DAB1: variants seen among roughly 807,000 people sequenced by gnomAD.
The protein encoded by DAB1 is DAB adaptor protein 1, also known as disabled homolog 1.
Under a neutral mutation model 64.6 loss-of-function variants are expected in DAB1, and 15 were observed. The observed-to-expected ratio is 0.23, with a 90% confidence interval of 0.16 to 0.36. The LOEUF is 0.36. Among genes scored for constraint, DAB1 ranks in the 10% least tolerant of loss-of-function variants. The pLI, the probability that DAB1 is intolerant of heterozygous loss-of-function variation, is 1.00. For synonymous variants in DAB1, 235 were observed against 251.9 expected (o/e 0.93, Z 0.64); for missense variants, 596 against 706.7 (o/e 0.84, Z 1.78).
chr1:57,969,821 C>G (rs1436413463), intron 5 of DAB1, among the ~76,000 whole-genome samples: 1 of 152,110 alleles, frequency 6.6e-6, no homozygotes, highest in Admixed American at 6.5e-5. Context: ...GGGATTTACA[C>G]TCTTCTACTT....
intron 4 of DAB1, among the ~76,000 whole-genome samples, chr1:58,296,161 A>AGAAAG (rs71043283): frequency 0.59 from 59,927 of 101,748 alleles, 21,541 homozygotes; most frequent in East Asian, 0.79. Context: ...GAAAAAAGAA[A>AGAAAG]GAAAGAAAGA....
At chr1:57,015,594 T>A (rs548428639) in intron 11 of DAB1, among the ~76,000 whole-genome samples, 163 bp from the exon 12 acceptor site, 38 of 152,338 alleles carry the variant, frequency 2.5e-4, no homozygotes, top group African/African-American at 8.7e-4. Flanking sequence ...GTCCTTGCTG[T>A]CATAGAGCCT....
At chr1:57,184,073 G>T (rs904976761) in intron 2 of DAB1, among the ~76,000 whole-genome samples, 4 of 147,714 alleles carry the variant, frequency 2.7e-5, no homozygotes, top group Non-Finnish European at 5.9e-5. Flanking sequence ...TCAACAACAC[G>T]ACTTTTCCAA....
chr1:57,093,879 C>T (rs1033540884), intron 4 of DAB1, among the ~76,000 whole-genome samples: 11 of 151,932 alleles, frequency 7.2e-5, no homozygotes, highest in Admixed American at 3.3e-4. Flanking sequence ...TTTGGGAGGC[C>T]GAGGTGGGCC....
At chr1:57,069,561 AC>A (rs781080567) in intron 7 of DAB1, 136 bp from the exon 8 acceptor site, 36 of 664,794 alleles carry the variant, frequency 5.4e-5, no homozygotes, top group Non-Finnish European at 6.1e-5. Flanking sequence ...TAAAGACACA[AC>A]TAAATTATTG....
At position 57,772,908 on chromosome 1, in the gene DAB1, C is replaced by T. The variant is rs112047529; in HGVS notation, n.551+111091G>A. Reference sequence around the variant, plus strand: ...AACTGAATTATGGTGGCCCATAAACCGAGTGACTGGTGTCCTTGAAAAAAG... The same window carrying T: ...AACTGAATTATGGTGGCCCATAAACTGAGTGACTGGTGTCCTTGAAAAAAG... On this transcript the variant is annotated intron_variant and non_coding_transcript_variant, in intron 6 of 20. Coordinates refer to the DAB1 transcript ENST00000485760. 9.9e-5 allele frequency among the ~76,000 whole-genome samples: 15 copies of T among 152,054 alleles called. No homozygotes were observed. In the South Asian group the frequency reaches 2.1e-3, roughly 21 times the overall value.
chr1:57,834,181 T>TA (rs1248207620), intron 1 of DAB1, among the ~76,000 whole-genome samples: 5 of 152,202 alleles, frequency 3.3e-5, no homozygotes, highest in African/African-American at 1.2e-4. Context: ...CAGATTGCAG[T>TA]AAATTCACAG....
At chr1:57,274,884 AT>A (rs3042300) in intron 2 of DAB1, among the ~76,000 whole-genome samples, 1,667 of 146,810 alleles carry the variant, frequency 0.011, 28 homozygotes, top group East Asian at 0.083. Flanking sequence ...GCTCAGCCAA[AT>A]TTTTTTTTTT....
chr1:57,705,485 C>T lies in DAB1; in HGVS notation n.552-55820G>A, dbSNP rs938066145. Among the ~76,000 whole-genome samples, 4 of 151,996 alleles carry T rather than the reference C, an allele frequency of 2.6e-5. No individual in the cohort carries two copies. The East Asian group carries it at 5.8e-4, about 22-fold the overall frequency. On this transcript the variant is annotated intron_variant and non_coding_transcript_variant, in intron 6 of 20. Coordinates refer to the DAB1 transcript ENST00000485760. ...ACATTGCATTAAAAATATATTTCTC[C>T]TTCATTTCTCTTTTCTGTTGGATTA...
chr1:57,396,626 C>T (rs1470355592), intron 1 of DAB1, among the ~76,000 whole-genome samples: 1 of 152,148 alleles, frequency 6.6e-6, no homozygotes, highest in East Asian at 1.9e-4. Context: ...TTTGAAATCG[C>T]ACTGGTTCAA....
chr1:57,373,407 T>C (rs1680652965), intron 1 of DAB1, among the ~76,000 whole-genome samples: 1 of 152,174 alleles, frequency 6.6e-6, no homozygotes, highest in Non-Finnish European at 1.5e-5. Context: ...AAGAAAAATG[T>C]GTGTGCACGT....
At chr1:57,148,680 T>C (rs1659378152) in intron 2 of DAB1, among the ~76,000 whole-genome samples, 1 of 152,228 alleles carries the variant, frequency 6.6e-6, no homozygotes, top group South Asian at 2.1e-4. Context: ...GTCACTGTTA[T>C]TGAGTTTTTA....
intron 7 of DAB1, among the ~76,000 whole-genome samples, chr1:57,463,299 G>T (rs1686849474): frequency 6.6e-6 from 1 of 152,046 alleles, no homozygotes; most frequent in African/African-American, 2.4e-5. Flanking sequence ...AGCCACCAAG[G>T]TTATTGCTAT....
intron 2 of DAB1, among the ~76,000 whole-genome samples, chr1:57,245,625 G>T (rs1464710941): frequency 6.6e-6 from 1 of 152,158 alleles, no homozygotes; most frequent in Non-Finnish European, 1.5e-5. Flanking sequence ...CCTTTTTTAT[G>T]ATTGCATAGT....
chr1:57,447,824 A>G (rs1002123726), intron 7 of DAB1, among the ~76,000 whole-genome samples: 9 of 152,140 alleles, frequency 5.9e-5, no homozygotes, highest in African/African-American at 2.2e-4. Context: ...TTGTGGTCAG[A>G]GAGGAGTCAT....
chr1:57,165,007 C>T (rs1016090281), intron 2 of DAB1, among the ~76,000 whole-genome samples: 1 of 152,170 alleles, frequency 6.6e-6, no homozygotes, highest in Non-Finnish European at 1.5e-5. Flanking sequence ...CAGTTGGCTG[C>T]CCCAGGGACC....
At chr1:58,294,673 G>GA (rs890629297) in intron 4 of DAB1, among the ~76,000 whole-genome samples, 2 of 152,062 alleles carry the variant, frequency 1.3e-5, no homozygotes, top group Non-Finnish European at 2.9e-5. Context: ...TGGGAGCTTA[G>GA]AAAAAAGAGG....
At chr1:58,173,359 C>T (rs187869771) in intron 4 of DAB1, among the ~76,000 whole-genome samples, 370 of 152,214 alleles carry the variant, frequency 2.4e-3, no homozygotes, top group African/African-American at 8.6e-3. Flanking sequence ...ATGGCTTGTC[C>T]GCTTCTCAGG....
At chr1:57,870,464 G>A (rs796361106) in intron 1 of DAB1, among the ~76,000 whole-genome samples, 15 of 152,244 alleles carry the variant, frequency 9.9e-5, no homozygotes, top group African/African-American at 3.6e-4. Context: ...ACATAGACTT[G>A]TACTGGAATC....
Sources: gnomAD v4.1 joint callset for allele counts (sites outside exome capture counted in the v4.1 genomes callset) on GRCh38, gnomAD v4.1.1 for gene constraint, MANE v1.5 for transcripts, NCBI Gene and HGNC (gene_info 2026-07-23, HGNC 2026-07-21) for gene names.